Variants in XYLT1 observed in about 807,000 individuals in gnomAD.
XYLT1 encodes the protein xylosyltransferase 1, also known as beta-D-xylosyltransferase 1.
XYLT1 carries 36 observed loss-of-function variants against 91.3 expected under a neutral mutation model. That is an observed-to-expected ratio of 0.39 (90% CI 0.30 to 0.52). The LOEUF (loss-of-function observed/expected upper bound fraction) is 0.52, where lower values mean the gene tolerates loss of function less well. Among genes scored for constraint, XYLT1 ranks in the 20% least tolerant of loss-of-function variants. The pLI is 0.68. For synonymous variants in XYLT1, 588 were observed against 532.0 expected (o/e 1.11, Z -1.45); for missense variants, 1,242 against 1,284.5 (o/e 0.97, Z 0.51).
chr16:17,420,486 G>A (rs2036237597), intron 1 of XYLT1, among the ~76,000 whole-genome samples: 1 of 152,138 alleles, frequency 6.6e-6, no homozygotes, highest in South Asian at 2.1e-4. Flanking sequence ...GGTGAATAAA[G>A]GGAGACGCAG....
At chr16:17,297,970 G>C (rs930754455) in intron 2 of XYLT1, among the ~76,000 whole-genome samples, 2 of 151,426 alleles carry the variant, frequency 1.3e-5, no homozygotes, top group Non-Finnish European at 2.9e-5. Flanking sequence ...GCAGTGAGCC[G>C]AGATCGCGCC....
At chr16:17,280,373 C>G (rs868805160) in intron 2 of XYLT1, among the ~76,000 whole-genome samples, 4 of 152,124 alleles carry the variant, frequency 2.6e-5, no homozygotes, top group Non-Finnish European at 2.9e-5. Context: ...AAATAAAAAG[C>G]TATTCATCTT....
At chr16:17,219,395 G>A (rs1031565213) in intron 3 of XYLT1, among the ~76,000 whole-genome samples, 1 of 152,010 alleles carries the variant, frequency 6.6e-6, no homozygotes, top group East Asian at 1.9e-4. Context: ...CATGATAGGC[G>A]AATCTCTAAA....
At chr16:17,160,473 C>A (rs1456734482) in intron 5 of XYLT1, among the ~76,000 whole-genome samples, 2 of 152,168 alleles carry the variant, frequency 1.3e-5, no homozygotes, top group African/African-American at 2.4e-5. Flanking sequence ...GGAGGGGGCA[C>A]AAAGCAGTTA....
intron 1 of XYLT1, among the ~76,000 whole-genome samples, chr16:17,409,963 T>C (rs1418783837): frequency 1.3e-5 from 2 of 152,148 alleles, no homozygotes; most frequent in African/African-American, 2.4e-5. Flanking sequence ...AGATGATGTA[T>C]AGGATGCTTG....
At position 17,134,609 on chromosome 16, in the gene XYLT1, A is replaced by G. The variant is rs1451124469; in HGVS notation, c.1891T>C (p.Trp631Arg). The G allele has an allele frequency of 1.2e-6, 2 of 1,614,184 alleles. No homozygotes were observed. Among genetic ancestry groups the G allele is most frequent in the South Asian group, 1.1e-5 (1 of 91,084 alleles). ...TCAGGCTCATCGTAGACATTCTCCC[A>G]GTAGGAGCGCAGGCCCGGGGTACCT... ...PAGTPGLRSY[W>R]ENVYDEPDGI... The change falls in exon 9 of 12, where the codon TGG (tryptophan) becomes CGG (arginine). Residue 631 changes from tryptophan (W) to arginine (R), a missense_variant. Transcript: ENST00000261381.
chr16:17,111,019 G>C (rs1045939102), intron 11 of XYLT1, among the ~76,000 whole-genome samples: 8 of 152,284 alleles, frequency 5.3e-5, no homozygotes, highest in African/African-American at 1.9e-4. Context: ...AATAAGCCGG[G>C]CGTGATGGCT....
chr16:17,297,049 C>G (rs950854371), intron 2 of XYLT1, among the ~76,000 whole-genome samples: 12 of 152,134 alleles, frequency 7.9e-5, no homozygotes, highest in African/African-American at 2.7e-4. Context: ...ACATTGTGCT[C>G]AATGCTTTAG....
intron 3 of XYLT1, among the ~76,000 whole-genome samples, chr16:17,248,415 C>A (rs2033478081): frequency 6.6e-6 from 1 of 152,210 alleles, no homozygotes; most frequent in Admixed American, 6.5e-5. Flanking sequence ...AATTTCAGTT[C>A]AGTACTGAGA....
At chr16:17,329,665 C>G (rs2034866349) in intron 2 of XYLT1, among the ~76,000 whole-genome samples, 1 of 152,176 alleles carries the variant, frequency 6.6e-6, no homozygotes, top group South Asian at 2.1e-4. Flanking sequence ...GAATTACGTG[C>G]TCCAAACCAG....
At chr16:17,373,400 T>A (rs2035560501) in intron 1 of XYLT1, among the ~76,000 whole-genome samples, 1 of 152,212 alleles carries the variant, frequency 6.6e-6, no homozygotes, top group South Asian at 2.1e-4. Flanking sequence ...GGGAAGATAA[T>A]GCTGGCCCCA....
At chr16:17,350,091 G>T (rs2035199826) in intron 2 of XYLT1, among the ~76,000 whole-genome samples, 1 of 152,086 alleles carries the variant, frequency 6.6e-6, no homozygotes, top group South Asian at 2.1e-4. Flanking sequence ...AGCCAAAATG[G>T]TCTCAATCTC....
intron 5 of XYLT1, chr16:17,197,968 G>C: frequency 1.8e-6 from 1 of 562,440 alleles, no homozygotes; most frequent in Non-Finnish European, 3.2e-6. Flanking sequence ...TGGAGTTTCC[G>C]TCTGTTTAGT....
intron 2 of XYLT1, among the ~76,000 whole-genome samples, chr16:17,315,757 G>C (rs1317413571): frequency 6.6e-6 from 1 of 152,086 alleles, no homozygotes; most frequent in Non-Finnish European, 1.5e-5. Context: ...ACTTGCCCAA[G>C]GTCACCTGGT....
At chr16:17,286,623 A>G (rs893388988) in intron 2 of XYLT1, among the ~76,000 whole-genome samples, 2 of 150,490 alleles carry the variant, frequency 1.3e-5, no homozygotes, top group African/African-American at 4.9e-5. Context: ...AGCTTCTTGA[A>G]TCCTCACAAC....
At chr16:17,344,688 C>T (rs980179739) in intron 2 of XYLT1, among the ~76,000 whole-genome samples, 3 of 151,356 alleles carry the variant, frequency 2.0e-5, no homozygotes, top group African/African-American at 7.3e-5. Context: ...GATGTGTCTT[C>T]GCAGCCAACT....
chr16:17,249,190 T>C (rs1192111507), intron 3 of XYLT1, among the ~76,000 whole-genome samples: 1 of 152,006 alleles, frequency 6.6e-6, no homozygotes, highest in African/African-American at 2.4e-5. Flanking sequence ...TGAATGAGGG[T>C]ATATTGAAGG....
At chr16:17,428,529 C>T (rs1401592164) in intron 1 of XYLT1, among the ~76,000 whole-genome samples, 1 of 152,220 alleles carries the variant, frequency 6.6e-6, no homozygotes, top group Admixed American at 6.5e-5. Flanking sequence ...TAAATGGTCA[C>T]AGCTCTGATT....
intron 1 of XYLT1, among the ~76,000 whole-genome samples, chr16:17,464,981 C>T (rs112134080): frequency 0.036 from 5,382 of 151,376 alleles, 274 homozygotes; most frequent in African/African-American, 0.11. Context: ...CCTGTCTCTA[C>T]TAAAATACAA....
Sources: allele counts gnomAD v4.1 joint callset (sites outside exome capture counted in the v4.1 genomes callset), GRCh38; gene constraint gnomAD v4.1.1; transcripts MANE v1.5; gene names NCBI Gene and HGNC (gene_info 2026-07-23, HGNC 2026-07-21).